The following TIMM23 variants were observed in gnomAD, a reference collection of about 807,000 sequenced individuals.
TIMM23 encodes the protein mitochondrial import inner membrane translocase subunit Tim23.
A neutral mutation model predicts 30.7 loss-of-function variants in TIMM23; 19 were observed. The ratio of observed to expected loss-of-function variants is 0.62; its 90% confidence interval spans 0.43 to 0.91. TIMM23 has a LOEUF of 0.91. Ranked by LOEUF, TIMM23 falls within the 40% of genes least tolerant of loss-of-function variation. The pLI is 0.00. For missense variants in TIMM23, 202 were observed against 269.2 expected (o/e 0.75, Z 1.75); for synonymous variants, 78 against 98.5 (o/e 0.79, Z 1.23).
chr10:45,992,661 G>T, intron 6 of TIMM23: 1 of 390,746 alleles, frequency 2.6e-6, no homozygotes, highest in South Asian at 1.9e-5. Flanking sequence ...GGGTTCAAGC[G>T]ATTCTCCTGC....
intron 4 of TIMM23, 97 bp downstream of exon 4, chr10:45,983,027 C>G: frequency 1.3e-6 from 2 of 1,514,744 alleles, no homozygotes; most frequent in Admixed American, 3.7e-5. Flanking sequence ...AGATGGTTAG[C>G]ATAGTTATGT....
At chr10:46,000,353 C>A (rs1316456562) in intron 6 of TIMM23, among the ~76,000 whole-genome samples, 5 of 152,190 alleles carry the variant, frequency 3.3e-5, no homozygotes, top group African/African-American at 1.2e-4. Context: ...CCATGTTCTT[C>A]TGCCATGGCT....
intron 4 of TIMM23, among the ~76,000 whole-genome samples, chr10:45,983,232 A>T (rs2132255757): frequency 6.6e-6 from 1 of 152,128 alleles, no homozygotes; most frequent in East Asian, 1.9e-4. Flanking sequence ...CAAATTGTTG[A>T]GTTGCTAATG....
intron 6 of TIMM23, chr10:45,992,524 A>G: frequency 2.3e-6 from 1 of 440,744 alleles, no homozygotes; most frequent in Non-Finnish European, 4.5e-6. Context: ...GTAAATGATT[A>G]GAAGGTAGCA....
chr10:46,000,660 C>A (rs1338548131), intron 6 of TIMM23, among the ~76,000 whole-genome samples: 1 of 152,196 alleles, frequency 6.6e-6, no homozygotes, highest in East Asian at 1.9e-4. Flanking sequence ...CAAGTAGATA[C>A]CATGTTCTTA....
intron 6 of TIMM23, among the ~76,000 whole-genome samples, chr10:45,991,126 A>C (rs1368193552): frequency 1.3e-5 from 2 of 152,248 alleles, no homozygotes; most frequent in Admixed American, 6.5e-5. Flanking sequence ...GGAAAGAAGT[A>C]ATAAATAACA....
intron 5 of TIMM23, among the ~76,000 whole-genome samples, chr10:45,986,509 G>A (rs1322929171): frequency 4.7e-5 from 7 of 148,144 alleles, no homozygotes; most frequent in Non-Finnish European, 7.4e-5. Flanking sequence ...TGTTCTGCTC[G>A]TGATCAGTTT....
At chr10:45,997,453 G>T (rs918790441) in intron 6 of TIMM23, among the ~76,000 whole-genome samples, 13 of 152,146 alleles carry the variant, frequency 8.5e-5, no homozygotes, top group African/African-American at 3.1e-4. Flanking sequence ...GCTGGGATGG[G>T]GTGTAGTTAT....
chr10:45,973,218 G>A (rs1240210965), intron 1 of TIMM23, among the ~76,000 whole-genome samples: 4 of 152,138 alleles, frequency 2.6e-5, no homozygotes, highest in Non-Finnish European at 4.4e-5. Flanking sequence ...CCTTCTTTAG[G>A]AGCTAGGAAG....
At chr10:45,989,280 T>C (rs1290052049) in intron 6 of TIMM23, among the ~76,000 whole-genome samples, 2 of 152,246 alleles carry the variant, frequency 1.3e-5, no homozygotes, top group African/African-American at 4.8e-5. Context: ...TCCTCAAGGT[T>C]CATCCATGTT....
chr10:46,001,197 A>G (rs567308519), intron 6 of TIMM23, among the ~76,000 whole-genome samples: 1 of 152,276 alleles, frequency 6.6e-6, no homozygotes, highest in East Asian at 1.9e-4. Context: ...AATTAGTACA[A>G]TTTTTCAACC....
chr10:45,982,961 A>G, intron 4 of TIMM23, 31 bp downstream of exon 4: 3 of 1,613,678 alleles, frequency 1.9e-6, no homozygotes, highest in Non-Finnish European at 2.5e-6. Context: ...TGATGTAGTG[A>G]TACTTGAATA....
intron 6 of TIMM23, 41 bp downstream of exon 6, chr10:45,988,888 G>C: frequency 6.3e-7 from 1 of 1,591,274 alleles, no homozygotes; most frequent in Non-Finnish European, 8.6e-7. Context: ...TAATACACTT[G>C]AAGTGCGCTT....
chr10:45,987,615 A>ATTTTTTT (rs781826848), intron 5 of TIMM23, among the ~76,000 whole-genome samples: 1 of 79,144 alleles, frequency 1.3e-5, no homozygotes, highest in Admixed American at 1.5e-4. Context: ...TATTATAAAG[A>ATTTTTTT]TTTTTTTTTT....
chr10:45,990,652 G>C, intron 6 of TIMM23: 1 of 420,222 alleles, frequency 2.4e-6, no homozygotes. Context: ...TGAACTCCTG[G>C]GCTCAAGCAG....
chr10:45,993,222 C>T (rs1319759989), intron 6 of TIMM23, among the ~76,000 whole-genome samples: 1 of 136,722 alleles, frequency 7.3e-6, no homozygotes, highest in Non-Finnish European at 1.5e-5. Context: ...CTAACGTTTG[C>T]CAGTGTGAGC....
At chr10:45,985,546 A>G (rs1456475679) in intron 5 of TIMM23, 105 bp downstream of exon 5, 5 of 1,370,364 alleles carry the variant, frequency 3.6e-6, no homozygotes, top group African/African-American at 2.9e-5. Flanking sequence ...TGAGACAATT[A>G]TGTTTAAACC....
chr10:45,988,511 G>C (rs1445181521), intron 5 of TIMM23, among the ~76,000 whole-genome samples: 2 of 152,114 alleles, frequency 1.3e-5, no homozygotes, highest in Non-Finnish European at 2.9e-5. Context: ...GAGGCCTGAA[G>C]TGCCCCAGTA....
At chr10:45,987,114 C>T (rs1838013773) in intron 5 of TIMM23, among the ~76,000 whole-genome samples, 2 of 151,858 alleles carry the variant, frequency 1.3e-5, no homozygotes, top group East Asian at 1.9e-4. Context: ...TACAAATGCT[C>T]TTGATGGGCA....
Sources: gnomAD v4.1 joint callset for allele counts (sites outside exome capture counted in the v4.1 genomes callset) on GRCh38, gnomAD v4.1.1 for gene constraint, MANE v1.5 for transcripts, NCBI Gene and HGNC (gene_info 2026-07-23, HGNC 2026-07-21) for gene names.